Variants in ART3 observed in about 807,000 individuals in gnomAD.
ART3 encodes the protein ADP-ribosyltransferase 3 (inactive).
Under a neutral mutation model 48.5 loss-of-function variants are expected in ART3, and 49 were observed. The ratio of observed to expected loss-of-function variants is 1.01; its 90% CI spans 0.80 to 1.28. ART3 has a LOEUF of 1.28. Ranked by LOEUF, ART3 falls within the 50% of genes most tolerant of loss-of-function variation. The pLI is 0.00. For synonymous variants in ART3, 145 were observed against 157.2 expected (o/e 0.92, Z 0.58); for missense variants, 438 against 454.3 (o/e 0.96, Z 0.33).
In ART3 at chr4:76,044,699, C is replaced by G. The variant is rs189007352; in HGVS notation, c.-9-31182C>G. Among the ~76,000 whole-genome samples, 9 of 152,040 alleles carry G rather than the reference C, an allele frequency of 5.9e-5. No individual in the cohort carries two copies. In the East Asian group the frequency reaches 1.7e-3, roughly 29 times the overall value. ...TCTCTGTTTCTGACACCCTCTTTAA[C>G]GTTCTGTCTCTCTGTCTCTTCCTCT... On this transcript the variant is annotated intron_variant, in intron 1 of 9. Transcript: ENST00000341029.
chr4:76,034,521 A>G, intron 1 of ART3: 1 of 521,980 alleles, frequency 1.9e-6, no homozygotes, highest in Non-Finnish European at 3.3e-6. Flanking sequence ...AGCCTTTCTT[A>G]AGGTAGCTTT....
intron 5 of ART3, chr4:76,099,193 T>G (rs1160289327): frequency 1.8e-5 from 9 of 509,392 alleles, no homozygotes; most frequent in Non-Finnish European, 2.9e-5. Context: ...TCCCAGCTAC[T>G]TGGGAGGCTG....
chr4:76,035,821 G>T, intron 1 of ART3: 1 of 1,003,822 alleles, frequency 1.0e-6, no homozygotes, highest in Non-Finnish European at 1.5e-6. Flanking sequence ...TAATCTGTGA[G>T]ATTAAATAAA....
chr4:76,111,751 A>G (rs1315061061), intron 11 of ART3, among the ~76,000 whole-genome samples: 1 of 151,952 alleles, frequency 6.6e-6, no homozygotes, highest in Non-Finnish European at 1.5e-5. Flanking sequence ...CGTGTTAGCC[A>G]GGATGGTCTC....
In ART3 at chr4:76,100,832, A is replaced by AT. The variant is rs757904295; in HGVS notation, c.907+14dup. 3 of 1,611,206 alleles carry AT rather than the reference A, an allele frequency of 1.9e-6. No homozygotes were observed. The highest frequency in any genetic ancestry group is 2.5e-6 in the Non-Finnish European group (3 of 1,179,428). On this transcript the variant is annotated intron_variant, in intron 7 of 11. Coordinates refer to ENST00000355810, the MANE Select transcript of ART3 (RefSeq NM_001130016.3). ...GGAAGCTTGAAGACCATGGTAAGAC[A>AT]TTTTTTATAAATTCTGGGGGCTTAC...
At chr4:76,054,277 A>G (rs1718462371) in intron 1 of ART3, among the ~76,000 whole-genome samples, 1 of 152,200 alleles carries the variant, frequency 6.6e-6, no homozygotes, top group South Asian at 2.1e-4. Context: ...TCTGCAAGGT[A>G]TGAAGCTTCA....
In ART3 at chr4:76,036,124, C is replaced by T. The variant is rs965715898; in HGVS notation, c.-10+24804C>T. The T allele has an allele frequency of 5.9e-6, 4 of 678,174 alleles. No individual in the cohort carries two copies. The African/African-American group carries it at 7.3e-5, about 12-fold the overall frequency. The allele number at this position is 678,174 out of a possible 1,614,324, so 42.0% of individuals were successfully genotyped here. ...TAGAGCATTTTATACACCAGCAATCCTTTTATGGCACAGGAATTTCCCTCT... is the reference window on the plus strand; with the variant it reads ...TAGAGCATTTTATACACCAGCAATCTTTTTATGGCACAGGAATTTCCCTCT... On this transcript the variant is annotated intron_variant, in intron 1 of 9. Coordinates refer to the ART3 transcript ENST00000341029.
chr4:76,029,722 C>G (rs984827540), intron 1 of ART3, among the ~76,000 whole-genome samples: 1 of 152,150 alleles, frequency 6.6e-6, no homozygotes. Flanking sequence ...AGGTCCTGTA[C>G]TCAGTAGCCA....
rs1013613086 is a variant in ART3 at position 76,046,457 on chromosome 4, C to T, written c.-9-29424C>T. Among the ~76,000 whole-genome samples the T allele has an allele frequency of 1.3e-4, 20 of 152,170 alleles. 1 individual carries two copies. The highest frequency in any genetic ancestry group is 2.2e-4 in the Non-Finnish European group (15 of 67,972). On this transcript the variant is annotated intron_variant, in intron 1 of 9. Transcript: ENST00000341029. Reference sequence around the variant, plus strand: ...TAGAACTGGGGTGTTGCAGGGACTGCTGCATTTCCTCACTAAGCCTTGAGC... The same window carrying T: ...TAGAACTGGGGTGTTGCAGGGACTGTTGCATTTCCTCACTAAGCCTTGAGC...
At chr4:76,070,160 C>A (rs772068916), upstream of ART3, among the ~76,000 whole-genome samples, 5 of 25,144 alleles carry the variant, frequency 2.0e-4, no homozygotes, top group African/African-American at 2.8e-4. Flanking sequence ...TTAATAATTT[C>A]TTTTAAGTAT....
chr4:76,098,870 T>C lies in ART3; in HGVS notation c.815-85T>C, dbSNP rs533582544. The C allele has an allele frequency of 4.3e-4, 500 of 1,169,028 alleles. 1 individual carries two copies. The highest frequency in any genetic ancestry group is 5.4e-4 in the Non-Finnish European group (442 of 816,830). 72.4% of individuals were successfully genotyped at this position (1,169,028 alleles called of 1,614,324 possible). A position where few individuals can be genotyped will look rare whatever the true frequency, so the allele number is the denominator to read the frequency against. On this transcript the variant is annotated intron_variant, in intron 4 of 11. Coordinates refer to ENST00000355810, the MANE Select transcript of ART3 (RefSeq NM_001130016.3). Reference sequence around the variant, plus strand: ...AAATATAAGCCAACACAATCTTTATTTTTAATGAACATTTAAAAATAGACT... The same window carrying C: ...AAATATAAGCCAACACAATCTTTATCTTTAATGAACATTTAAAAATAGACT...
intron 1 of ART3, among the ~76,000 whole-genome samples, chr4:76,051,629 T>C (rs1736098794): frequency 6.6e-6 from 1 of 150,996 alleles, no homozygotes; most frequent in Non-Finnish European, 1.5e-5. Flanking sequence ...AGTATCTGCC[T>C]CCCGGGCACA....
intron 1 of ART3, among the ~76,000 whole-genome samples, chr4:76,069,353 G>A (rs1578402334): frequency 6.7e-6 from 1 of 149,098 alleles, no homozygotes. Flanking sequence ...GTCTACTCTG[G>A]ACATTTCATG....
chr4:76,025,394 A>G (rs1196271939), intron 1 of ART3, among the ~76,000 whole-genome samples: 1 of 152,230 alleles, frequency 6.6e-6, no homozygotes. Context: ...ATGTCTCTAT[A>G]TAGAAGACAA....
At position 76,105,694 on chromosome 4, in the gene ART3, C is replaced by T. The variant is rs113450733; in HGVS notation, c.1003+1065C>T. ...CCGATATCCCAGTCTGCAAGCCAGA[C>T]AGGGAAAGTGTTGAGAATTTCTTTC... On this transcript the variant is annotated intron_variant, in intron 10 of 11. Coordinates refer to ENST00000355810, the MANE Select transcript of ART3 (RefSeq NM_001130016.3). 2.5e-5 allele frequency: 26 copies of T among 1,043,998 alleles called. No homozygotes were observed. In the African/African-American group the frequency reaches 3.1e-4, roughly 12 times the overall value. 64.7% of individuals were successfully genotyped at this position (1,043,998 alleles called of 1,614,324 possible). A position where few individuals can be genotyped will look rare whatever the true frequency, so the allele number is the denominator to read the frequency against.
intron 4 of ART3, 143 bp downstream of exon 4, chr4:76,097,819 G>A: frequency 2.9e-6 from 2 of 687,148 alleles, no homozygotes; most frequent in Admixed American, 2.5e-5. Flanking sequence ...ACTACTGCTA[G>A]TACCTTTTCA....
chr4:76,112,662 C>G lies in ART3; in HGVS notation c.*143C>G. The G allele has an allele frequency of 1.0e-6, 1 of 998,444 alleles. No homozygotes were observed. The highest frequency in any genetic ancestry group is 2.3e-5 in the South Asian group (1 of 43,242). The allele number at this position is 998,444 out of a possible 1,614,324, so 61.8% of individuals were successfully genotyped here. On this transcript the variant is annotated 3_prime_UTR_variant, in exon 12 of 12. Transcript: ENST00000355810. ...AATTGTATATTTGTTATTCATTTTG[C>G]AAATTCAGAAAGTTGGTCCAGATAT...
At chr4:76,043,010 C>T (rs1383638284) in intron 1 of ART3, among the ~76,000 whole-genome samples, 1 of 151,772 alleles carries the variant, frequency 6.6e-6, no homozygotes, top group Non-Finnish European at 1.5e-5. Context: ...TAGCTAGATA[C>T]AGAGTGTCGA....
intron 1 of ART3, chr4:76,034,297 A>G (rs1734139980): frequency 2.5e-6 from 1 of 397,694 alleles, no homozygotes; most frequent in East Asian, 3.6e-5. Flanking sequence ...GCTTGACTCC[A>G]GTAATAATGT....
Sources: allele counts gnomAD v4.1 joint callset (sites outside exome capture counted in the v4.1 genomes callset), GRCh38; gene constraint gnomAD v4.1.1; transcripts MANE v1.5; gene names NCBI Gene and HGNC (gene_info 2026-07-23, HGNC 2026-07-21).